Variants in SGCZ observed in about 807,000 individuals in gnomAD.
The protein encoded by SGCZ is sarcoglycan zeta.
A neutral mutation model predicts 41.3 loss-of-function variants in SGCZ; 40 were observed. The ratio of observed to expected loss-of-function variants is 0.97; its 90% CI spans 0.75 to 1.26. SGCZ has a LOEUF of 1.26. SGCZ is among the 50% of genes most tolerant of loss of function. The pLI is 0.00. For synonymous variants in SGCZ, 206 were observed against 137.5 expected, an observed-to-expected ratio of 1.50 and a Z score of -3.49; for missense variants, 552 against 369.8, an observed-to-expected ratio of 1.49 and a Z score of -4.04.
intron 2 of SGCZ, among the ~76,000 whole-genome samples, chr8:14,447,811 G>A (rs1366991983): frequency 1.3e-5 from 2 of 152,132 alleles, no homozygotes; most frequent in Non-Finnish European, 2.9e-5. Context: ...ACTTTGCATT[G>A]TTTGATCTTC....
intron 1 of SGCZ, among the ~76,000 whole-genome samples, chr8:14,775,504 CAG>C (rs1800376669): frequency 2.1e-5 from 3 of 142,002 alleles, no homozygotes; most frequent in East Asian, 2.0e-4. Flanking sequence ...TGTGTGTACA[CAG>C]GGGGGAATAG....
At chr8:14,691,768 A>T (rs1808805900) in intron 1 of SGCZ, among the ~76,000 whole-genome samples, 1 of 151,954 alleles carries the variant, frequency 6.6e-6, no homozygotes, top group African/African-American at 2.4e-5. Flanking sequence ...AGCAATAATG[A>T]ACCAATCAAA....
intron 1 of SGCZ, among the ~76,000 whole-genome samples, chr8:14,915,644 C>T (rs1028498895): frequency 6.6e-6 from 1 of 152,136 alleles, no homozygotes; most frequent in East Asian, 1.9e-4. Context: ...ACCAGCCTTC[C>T]CCATGCTATG....
chr8:14,640,076 A>T (rs969068205), intron 1 of SGCZ, among the ~76,000 whole-genome samples: 7 of 151,722 alleles, frequency 4.6e-5, no homozygotes, highest in African/African-American at 9.7e-5. Flanking sequence ...TACAATGATA[A>T]CATATACTTT....
intron 2 of SGCZ, among the ~76,000 whole-genome samples, chr8:14,457,872 C>T (rs1456860104): frequency 2.0e-5 from 3 of 152,110 alleles, no homozygotes; most frequent in Admixed American, 1.3e-4. Context: ...GGGGCCACTA[C>T]CGGTCTCCGC....
intron 1 of SGCZ, among the ~76,000 whole-genome samples, chr8:14,592,333 T>C (rs902447407): frequency 6.6e-6 from 1 of 152,154 alleles, no homozygotes; most frequent in African/African-American, 2.4e-5. Flanking sequence ...CTCATAACAA[T>C]ATAAATTTCA....
At chr8:14,219,058 A>C (rs1432104128) in intron 4 of SGCZ, among the ~76,000 whole-genome samples, 1 of 152,228 alleles carries the variant, frequency 6.6e-6, no homozygotes, top group African/African-American at 2.4e-5. Flanking sequence ...CTCAGCAAAA[A>C]TTAAAAACAA....
At chr8:14,315,755 A>G (rs906333273) in intron 3 of SGCZ, among the ~76,000 whole-genome samples, 30 of 152,070 alleles carry the variant, frequency 2.0e-4, no homozygotes, top group African/African-American at 7.0e-4. Context: ...AATGACAATA[A>G]GTACATATAA....
intron 1 of SGCZ, among the ~76,000 whole-genome samples, chr8:15,020,497 T>G (rs1378919459): frequency 6.6e-6 from 1 of 152,126 alleles, no homozygotes; most frequent in Non-Finnish European, 1.5e-5. Flanking sequence ...ATACTGTCAA[T>G]GCGGCTGGCT....
chr8:14,623,683 AT>A (rs1806358210), intron 1 of SGCZ, among the ~76,000 whole-genome samples: 1 of 152,156 alleles, frequency 6.6e-6, no homozygotes. Context: ...AATGTTTATA[AT>A]TTTTAACCCC....
intron 2 of SGCZ, among the ~76,000 whole-genome samples, chr8:14,432,938 A>AAAAAGCTTACTCAT (rs1799986780): frequency 8.8e-6 from 1 of 113,434 alleles, no homozygotes; most frequent in Non-Finnish European, 2.0e-5. Flanking sequence ...AAAAAAAAAA[A>AAAAAGCTTACTCAT]AAAAGCTTAC....
At chr8:14,587,122 A>C (rs1276616230) in intron 1 of SGCZ, among the ~76,000 whole-genome samples, 1 of 152,064 alleles carries the variant, frequency 6.6e-6, no homozygotes, top group Non-Finnish European at 1.5e-5. Context: ...TAAAGACTTA[A>C]TATATACCGT....
intron 2 of SGCZ, among the ~76,000 whole-genome samples, chr8:14,364,670 CT>C (rs1438254224): frequency 6.6e-6 from 1 of 152,062 alleles, no homozygotes; most frequent in Non-Finnish European, 1.5e-5. Flanking sequence ...TATAAATTCC[CT>C]TTTTGTACCA....
intron 1 of SGCZ, among the ~76,000 whole-genome samples, chr8:15,155,076 G>A (rs1422278541): frequency 1.3e-5 from 2 of 152,158 alleles, no homozygotes; most frequent in Non-Finnish European, 2.9e-5. Flanking sequence ...TGGATAGCTT[G>A]AGCCCAGGAG....
intron 2 of SGCZ, among the ~76,000 whole-genome samples, chr8:14,541,645 C>T (rs1803472505): frequency 6.6e-6 from 1 of 151,860 alleles, no homozygotes; most frequent in Non-Finnish European, 1.5e-5. Flanking sequence ...GGGTATATGC[C>T]CAATAATGGA....
chr8:14,610,581 T>A (rs1805895652), intron 1 of SGCZ, among the ~76,000 whole-genome samples: 1 of 152,148 alleles, frequency 6.6e-6, no homozygotes, highest in Admixed American at 6.5e-5. Flanking sequence ...TTAATCTATC[T>A]GATGTCATCT....
rs917209425 is a variant in SGCZ, at chr8:14,085,904, A to C, written c.*4539T>G. Among the ~76,000 whole-genome samples, 2 of 151,804 alleles carry C rather than the reference A, an allele frequency of 1.3e-5. No homozygotes were observed. The highest frequency in any genetic ancestry group is 2.9e-5 in the Non-Finnish European group (2 of 67,812). ...GCAGCAGTGTTTTAGAGTTAAATAC[A>C]ATAGAAATCCCATTCTTTGGTCTTT... On this transcript the variant is annotated 3_prime_UTR_variant, in exon 8 of 8. Coordinates refer to ENST00000382080, the MANE Select transcript of SGCZ (RefSeq NM_139167.4).
chr8:14,766,307 A>T (rs113921391), intron 1 of SGCZ, among the ~76,000 whole-genome samples: 631 of 152,128 alleles, frequency 4.1e-3, no homozygotes, highest in African/African-American at 0.014. Context: ...CAAAAATAAA[A>T]ATATATATAT....
chr8:15,020,487 A>G (rs1436938913), intron 1 of SGCZ, among the ~76,000 whole-genome samples: 1 of 152,138 alleles, frequency 6.6e-6, no homozygotes, highest in Non-Finnish European at 1.5e-5. Context: ...GTTCTTATGC[A>G]TACTGTCAAT....
Sources: gnomAD v4.1 joint callset for allele counts (sites outside exome capture counted in the v4.1 genomes callset) on GRCh38, gnomAD v4.1.1 for gene constraint, MANE v1.5 for transcripts, NCBI Gene and HGNC (gene_info 2026-07-23, HGNC 2026-07-21) for gene names.